The following POLR1B variants were observed in gnomAD, a reference collection of about 807,000 sequenced individuals.
POLR1B encodes DNA-directed RNA polymerase I subunit RPA2.
Under a neutral mutation model 105.8 loss-of-function variants are expected in POLR1B, and 30 were observed. The ratio of observed to expected loss-of-function variants is 0.28; its 90% confidence interval spans 0.21 to 0.38. POLR1B has a LOEUF of 0.38. Ranked by LOEUF, POLR1B falls within the 10% of genes least tolerant of loss-of-function variation. The pLI, the probability that POLR1B is intolerant of heterozygous loss-of-function variation, is 1.00. For missense variants in POLR1B, 976 were observed against 1,435.8 expected, an observed-to-expected ratio of 0.68 and a Z score of 5.17; for synonymous variants, 485 against 505.1, an observed-to-expected ratio of 0.96 and a Z score of 0.53.
chr2:112,561,864 G>A (rs188521816), intron 9 of POLR1B, among the ~76,000 whole-genome samples: 1 of 152,150 alleles, frequency 6.6e-6, no homozygotes, highest in African/African-American at 2.4e-5. Flanking sequence ...TAGAGATGGG[G>A]TCTTGCTATG....
chr2:112,571,119 A>G, intron 12 of POLR1B, among the ~76,000 whole-genome samples: 1 of 151,926 alleles, frequency 6.6e-6, no homozygotes, highest in East Asian at 1.9e-4. Context: ...CTTCTCTAAG[A>G]TTTCTTATCT....
Position 112,542,571 on chromosome 2 carries a change from T to G in POLR1B, c.77T>G (p.Ile26Ser), listed in dbSNP as rs1245685299. 2 of 1,614,090 alleles carry G rather than the reference T, an allele frequency of 1.2e-6. No individual in the cohort carries two copies. The highest frequency in any genetic ancestry group is 1.7e-6 in the Non-Finnish European group (2 of 1,180,034). Residue 26 changes from isoleucine to serine, a missense_variant, in exon 1 of 15, where the codon ATC becomes AGC. Transcript: ENST00000263331. ...CACTTGACTGACCCCTCTTATGGAA[T>G]CCCGCGGGAACAGCAAAAGGCAGCG... is the stretch of plus-strand genomic sequence containing the variant. Reference protein sequence around the residue: ...LKHLTDPSYGIPREQQKAALQ... With the variant: ...LKHLTDPSYGSPREQQKAALQ...
Position 112,547,567 on chromosome 2 carries a change from G to C in POLR1B, c.492G>C (p.Glu164Asp). The change falls in exon 3 of 15, where the codon GAG (glutamate) becomes GAC (aspartate). Residue 164 changes from glutamate (E) to aspartate (D), a missense_variant and splice_region_variant. Glu to Asp is a conservative substitution (Grantham distance 45). Coordinates refer to ENST00000263331, the MANE Select transcript of POLR1B (RefSeq NM_019014.6). Reference sequence around the variant, plus strand: ...TCATTGAGCACCATGAGGAGGCAGAGGTAATGACGGGCGTCCAGGCATGAG... The same window carrying C: ...TCATTGAGCACCATGAGGAGGCAGACGTAATGACGGGCGTCCAGGCATGAG... ...QALIEHHEEA[E>D]EMGGYFIING... 1 of 1,613,876 alleles carries C rather than the reference G, an allele frequency of 6.2e-7. No homozygotes were observed. Among genetic ancestry groups the C allele is most frequent in the Non-Finnish European group, 8.5e-7 (1 of 1,179,944 alleles).
At chr2:112,544,065 G>C (rs748275185) in intron 1 of POLR1B, among the ~76,000 whole-genome samples, 4 of 151,808 alleles carry the variant, frequency 2.6e-5, no homozygotes, top group African/African-American at 9.7e-5. Context: ...CTCCATCCTC[G>C]GTAACAGAGT....
chr2:112,572,657 C>T lies in POLR1B; in HGVS notation c.2170C>T (p.Pro724Ser). ...LQTPQSPLVR[P>S]SMYDYYDMDN... ...GACTCCTCAGAGTCCCTTGGTGAGA[C>T]CCTCCATGTATGATTATTATGACAT... The change falls in exon 13 of 15, where the codon CCC (proline) becomes TCC (serine). Residue 724 changes from proline (P) to serine (S), a missense_variant. Physicochemically the swap from Pro to Ser is moderately conservative, Grantham distance 74. This residue lies in a region of POLR1B where 46 missense variants were observed against 66.8 expected (regional missense o/e 0.69). Transcript: ENST00000263331. 1 of 1,613,432 alleles carries T rather than the reference C, an allele frequency of 6.2e-7. No individual in the cohort carries two copies. The highest frequency in any genetic ancestry group is 8.5e-7 in the Non-Finnish European group (1 of 1,179,576).
At chr2:112,543,231 G>T (rs145072460) in intron 1 of POLR1B, among the ~76,000 whole-genome samples, 2 of 152,338 alleles carry the variant, frequency 1.3e-5, no homozygotes, top group East Asian at 3.9e-4. Flanking sequence ...CAGAATTCAA[G>T]TGAGTATGGT....
chr2:112,564,629 C>G, intron 10 of POLR1B, 130 bp downstream of exon 10: 3 of 1,221,894 alleles, frequency 2.5e-6, no homozygotes, highest in Non-Finnish European at 3.5e-6. Flanking sequence ...GTCCAGAATG[C>G]CTGTGCATTC....
At chr2:112,570,820 C>T (rs898222707) in intron 12 of POLR1B, among the ~76,000 whole-genome samples, 1 of 149,742 alleles carries the variant, frequency 6.7e-6, no homozygotes. Context: ...GCTCTGTCAC[C>T]CAGGCTGGAG....
chr2:112,543,186 A>G (rs769060662), intron 1 of POLR1B, among the ~76,000 whole-genome samples: 2 of 152,246 alleles, frequency 1.3e-5, no homozygotes, highest in Non-Finnish European at 2.9e-5. Flanking sequence ...TGAATCGAAA[A>G]GTGTAATTGC....
chr2:112,563,542 A>G (rs1222882110), intron 9 of POLR1B, among the ~76,000 whole-genome samples: 2 of 152,136 alleles, frequency 1.3e-5, no homozygotes, highest in African/African-American at 4.8e-5. Context: ...AATAATCTAA[A>G]TCCTTTATTG....
At chr2:112,562,148 G>A (rs1684021965) in intron 9 of POLR1B, among the ~76,000 whole-genome samples, 1 of 152,024 alleles carries the variant, frequency 6.6e-6, no homozygotes, top group Non-Finnish European at 1.5e-5. Context: ...CTGCATCGGG[G>A]GACTCAAAGT....
chr2:112,572,859 A>G, intron 13 of POLR1B, 101 bp downstream of exon 13: 2 of 997,156 alleles, frequency 2.0e-6, no homozygotes, highest in Non-Finnish European at 2.9e-6. Context: ...CCAAGTACCT[A>G]GTATTTGGCA....
intron 5 of POLR1B, among the ~76,000 whole-genome samples, chr2:112,551,504 C>G (rs1026133542): frequency 6.6e-6 from 1 of 152,110 alleles, no homozygotes; most frequent in Non-Finnish European, 1.5e-5. Context: ...TCTTTTTCAC[C>G]ACATTCTCTT....
chr2:112,559,146 T>C, intron 8 of POLR1B, 147 bp from the exon 9 acceptor site: 2 of 1,020,616 alleles, frequency 2.0e-6, no homozygotes. Context: ...GTGAACTCTT[T>C]ACACTCATCA....
chr2:112,552,250 T>C (rs1683412265), intron 6 of POLR1B, among the ~76,000 whole-genome samples: 1 of 152,252 alleles, frequency 6.6e-6, no homozygotes, highest in Non-Finnish European at 1.5e-5. Flanking sequence ...TCCAGAATAA[T>C]GTCCAAATAG....
In POLR1B at chr2:112,559,321, T is replaced by C; in HGVS notation, c.1359T>C (p.Leu453=). The part of the protein sequence containing the change: ...TGLGLLQDSG[L]CVVADKLNFI... ...TTGGCCTCCTACAAGATTCTGGACT[T>C]TGTGTTGTGGCTGACAAGCTGAACT... is the stretch of plus-strand genomic sequence containing the variant. Residue 453 remains leucine (L), a synonymous_variant, in exon 9 of 15, where the codon CTT becomes CTC. Transcript: ENST00000263331. The C allele has an allele frequency of 1.2e-6, 2 of 1,614,176 alleles. No homozygotes were observed.
rs188194377 is a variant in POLR1B at position 112,546,600 on chromosome 2, C to T, written c.178-412C>T. On this transcript the variant is annotated intron_variant, in intron 1 of 14. Coordinates refer to ENST00000263331, the MANE Select transcript of POLR1B (RefSeq NM_019014.6). ...TTTTTGAGACGGAGTCTCGCTCTGTCGCCCAGGCTGGAGTGCAGTGGCGTG... is the reference window on the plus strand; with the variant it reads ...TTTTTGAGACGGAGTCTCGCTCTGTTGCCCAGGCTGGAGTGCAGTGGCGTG... Among the ~76,000 whole-genome samples, 700 of 116,886 alleles carry T rather than the reference C, an allele frequency of 6.0e-3. 45 individuals are homozygous for T. In the East Asian group the frequency reaches 0.17, roughly 28 times the overall value. The allele number at this position is 116,886 out of a possible 152,430, so 76.7% of individuals were successfully genotyped here. A position where few individuals can be genotyped will look rare whatever the true frequency, so the allele number is the denominator to read the frequency against.
chr2:112,558,486 C>G (rs1185854161), intron 8 of POLR1B, among the ~76,000 whole-genome samples: 1 of 152,052 alleles, frequency 6.6e-6, no homozygotes, highest in African/African-American at 2.4e-5. Context: ...GTCACTTGAT[C>G]CTAGGAGGTC....
At chr2:112,560,125 A>G (rs904506946) in intron 9 of POLR1B, among the ~76,000 whole-genome samples, 34 of 147,098 alleles carry the variant, frequency 2.3e-4, no homozygotes, top group South Asian at 1.5e-3. Flanking sequence ...TTTCTTTGGG[A>G]AAAAAAAAAA....
Sources: gnomAD v4.1 joint callset for allele counts (sites outside exome capture counted in the v4.1 genomes callset) on GRCh38, gnomAD v4.1.1 for gene constraint, gnomAD v4.1.1 regional missense constraint, MANE v1.5 for transcripts, NCBI Gene and HGNC (gene_info 2026-07-23, HGNC 2026-07-21) for gene names.